Variants in SCOC observed in about 807,000 individuals in gnomAD.
The protein encoded by SCOC is short coiled coil protein.
Under a neutral mutation model 9.9 loss-of-function variants are expected in SCOC, and 7 were observed. The ratio of observed to expected loss-of-function variants is 0.71; its 90% CI spans 0.40 to 1.33. SCOC has a LOEUF of 1.33. SCOC is among the 40% of genes most tolerant of loss of function. SCOC has a pLI of 0.01. For synonymous variants in SCOC, 19 were observed against 28.2 expected, an observed-to-expected ratio of 0.67 and a Z score of 1.03; for missense variants, 66 against 89.7, an observed-to-expected ratio of 0.74 and a Z score of 1.07.
intron 1 of SCOC, among the ~76,000 whole-genome samples, chr4:140,337,067 G>A (rs1333501974): frequency 1.3e-5 from 2 of 152,012 alleles, no homozygotes; most frequent in Admixed American, 6.6e-5. Flanking sequence ...TAAATTCCTT[G>A]TGCATTTTTA....
rs567051251 is a variant in SCOC, at chr4:140,299,832, A to T, written c.-19+42422A>T. Among the ~76,000 whole-genome samples, 27 of 152,334 alleles carry T rather than the reference A, an allele frequency of 1.8e-4. No individual in the cohort carries two copies. In the South Asian group the frequency reaches 4.4e-3, roughly 25 times the overall value. On this transcript the variant is annotated intron_variant, in intron 1 of 4. Coordinates refer to the SCOC transcript ENST00000394205. The stretch of plus-strand genomic sequence containing the variant: ...TCATAGCCCAGTGTCTCAGTGCCTT[A>T]GCACAACGATGCTTATTTTCCACCC...
intron 1 of SCOC, among the ~76,000 whole-genome samples, chr4:140,257,731 A>G (rs1730540174): frequency 1.3e-5 from 2 of 152,200 alleles, no homozygotes; most frequent in South Asian, 4.1e-4. Flanking sequence ...AGCTCAGCAC[A>G]GTGCCTAGTG....
chr4:140,302,016 C>T (rs905177393), intron 1 of SCOC, among the ~76,000 whole-genome samples: 6 of 152,014 alleles, frequency 3.9e-5, no homozygotes, highest in Admixed American at 3.3e-4. Context: ...GTATTTTTTG[C>T]ATAGACAGGG....
intron 2 of SCOC, among the ~76,000 whole-genome samples, chr4:140,343,993 A>G (rs1390136739): frequency 6.6e-6 from 1 of 152,212 alleles, no homozygotes; most frequent in African/African-American, 2.4e-5. Flanking sequence ...CAAAGTTGCT[A>G]CGAAAACAAC....
intron 1 of SCOC, among the ~76,000 whole-genome samples, chr4:140,294,881 C>A (rs1052643174): frequency 2.0e-5 from 3 of 152,186 alleles, no homozygotes; most frequent in Non-Finnish European, 4.4e-5. Context: ...ATAACTATTT[C>A]TTCTCCAAGG....
intron 1 of SCOC, among the ~76,000 whole-genome samples, chr4:140,264,606 A>G (rs1578752959): frequency 6.6e-6 from 1 of 152,178 alleles, no homozygotes; most frequent in Non-Finnish European, 1.5e-5. Flanking sequence ...GGTGGTTACA[A>G]GGATAGGGAT....
intron 1 of SCOC, among the ~76,000 whole-genome samples, chr4:140,288,676 A>G (rs942147587): frequency 6.6e-6 from 1 of 152,026 alleles, no homozygotes; most frequent in South Asian, 2.1e-4. Flanking sequence ...ACATGTATAT[A>G]TACCACATAT....
At chr4:140,350,265 A>G (rs1726920459) in intron 2 of SCOC, among the ~76,000 whole-genome samples, 1 of 152,146 alleles carries the variant, frequency 6.6e-6, no homozygotes, top group Non-Finnish European at 1.5e-5. Flanking sequence ...TTCATAGTAT[A>G]TGAACAGACT....
intron 2 of SCOC, among the ~76,000 whole-genome samples, chr4:140,348,512 ATGTG>A: frequency 6.6e-6 from 1 of 151,328 alleles, no homozygotes; most frequent in East Asian, 1.9e-4. Context: ...CACTATATGT[ATGTG>A]TGTGTGTGAG....
intron 1 of SCOC, among the ~76,000 whole-genome samples, chr4:140,333,456 C>T (rs1441332104): frequency 6.6e-6 from 1 of 151,998 alleles, no homozygotes; most frequent in Admixed American, 6.6e-5. Flanking sequence ...CTGCCTTCTC[C>T]ACCAAAAATG....
At chr4:140,326,643 ACCC>A (rs10706298) in intron 1 of SCOC, among the ~76,000 whole-genome samples, 5 of 151,780 alleles carry the variant, frequency 3.3e-5, no homozygotes, top group East Asian at 1.9e-4. Context: ...TTATAGGCAG[ACCC>A]CCCCCCCTAC....
intron 1 of SCOC, among the ~76,000 whole-genome samples, chr4:140,375,874 T>C (rs2126593594): frequency 6.6e-6 from 1 of 152,268 alleles, no homozygotes; most frequent in African/African-American, 2.4e-5. Context: ...ATTTCTGGGG[T>C]AAGGTGGTTT....
chr4:140,329,286 T>C (rs1053650112), intron 1 of SCOC, among the ~76,000 whole-genome samples: 6 of 152,092 alleles, frequency 3.9e-5, no homozygotes, highest in Non-Finnish European at 7.4e-5. Flanking sequence ...TCTCACCTTA[T>C]ACAAAAATCG....
At chr4:140,354,714 GT>G (rs1025332272) in intron 2 of SCOC, among the ~76,000 whole-genome samples, 81 of 144,768 alleles carry the variant, frequency 5.6e-4, no homozygotes, top group African/African-American at 6.8e-4. Flanking sequence ...ATCCTTAAGG[GT>G]TTTTTTTTTT....
chr4:140,362,299 C>CTTTTTTTTTTTT (rs1183789218), intron 2 of SCOC, among the ~76,000 whole-genome samples: 14 of 38,360 alleles, frequency 3.6e-4, no homozygotes, highest in Non-Finnish European at 8.2e-4. Flanking sequence ...TCTTCTTCTT[C>CTTTTTTTTTTTT]TTTTTTTTTT....
upstream of SCOC, chr4:140,373,635 G>A (rs774496190): frequency 2.0e-4 from 311 of 1,551,534 alleles, no homozygotes; most frequent in Admixed American, 3.1e-4. Context: ...GGAGTGGGCG[G>A]AGCTGCCGGG....
chr4:140,319,457 A>G lies in SCOC; in HGVS notation c.-18-24164A>G, dbSNP rs575520212. 2.6e-5 allele frequency among the ~76,000 whole-genome samples: 4 copies of G among 152,276 alleles called. No individual in the cohort carries two copies. In the South Asian group the frequency reaches 8.3e-4, roughly 32 times the overall value. ...TACCAAATAATTTCCTTGAGCCCAT[A>G]TGAAACACAGCCAGCTCCAAGTTTG... On this transcript the variant is annotated intron_variant, in intron 1 of 4. Coordinates refer to the SCOC transcript ENST00000394205.
rs116185730 is a variant in SCOC, at chr4:140,268,304, C to A, written c.-19+10894C>A. Among the ~76,000 whole-genome samples, 391 of 152,232 alleles carry A rather than the reference C, an allele frequency of 2.6e-3. 2 individuals carry two copies. The highest frequency in any genetic ancestry group is 8.8e-3 in the African/African-American group (365 of 41,548). ...AGAACAGAGAATAAGGGAGTGAGTG[C>A]CTCTAATTTAATATTCTTATGTTTC... On this transcript the variant is annotated intron_variant, in intron 1 of 4. Transcript: ENST00000394205.
upstream of SCOC, chr4:140,373,377 A>G: frequency 1.4e-6 from 2 of 1,451,278 alleles, no homozygotes; most frequent in Non-Finnish European, 1.8e-6. Context: ...CCGCTTCACC[A>G]GCGCCGCTTA....
Sources: allele counts gnomAD v4.1 joint callset (sites outside exome capture counted in the v4.1 genomes callset), GRCh38; gene constraint gnomAD v4.1.1; transcripts MANE v1.5; gene names NCBI Gene and HGNC (gene_info 2026-07-23, HGNC 2026-07-21).